The following CRPPA variants were observed in gnomAD, a reference collection of about 807,000 sequenced individuals.
The protein encoded by CRPPA is CDP-L-ribitol pyrophosphorylase A, also known as D-ribitol-5-phosphate cytidylyltransferase.
In CRPPA, 43 loss-of-function variants were observed where a neutral mutation model predicts 52.0. That is an observed-to-expected ratio of 0.83 (90% CI 0.65 to 1.07). The LOEUF is 1.07. Ranked by LOEUF, CRPPA falls within the 50% of genes least tolerant of loss-of-function variation. CRPPA has a pLI of 0.00. For synonymous variants in CRPPA, 250 were observed against 203.5 expected (o/e 1.23, Z -1.94); for missense variants, 629 against 551.7 (o/e 1.14, Z -1.40).
chr7:16,285,761 G>A (rs7459327), intron 5 of CRPPA, among the ~76,000 whole-genome samples: 102,325 of 151,176 alleles, frequency 0.68, 35,006 homozygotes, highest in East Asian at 0.76. Flanking sequence ...GGTAGCTCAC[G>A]ACTGTAATCC....
chr7:16,176,808 A>C (rs1781307926), intron 9 of CRPPA, among the ~76,000 whole-genome samples: 1 of 152,220 alleles, frequency 6.6e-6, no homozygotes, highest in South Asian at 2.1e-4. Context: ...CCAAGTGCTT[A>C]CTCTAGAAAA....
chr7:16,151,137 A>G (rs577363196), intron 9 of CRPPA, among the ~76,000 whole-genome samples: 15 of 152,328 alleles, frequency 9.8e-5, no homozygotes, highest in Admixed American at 5.9e-4. Context: ...TGGTAGACTG[A>G]TAAAATGAGA....
At chr7:16,310,234 C>G (rs1785004857) in intron 3 of CRPPA, among the ~76,000 whole-genome samples, 1 of 152,014 alleles carries the variant, frequency 6.6e-6, no homozygotes, top group Non-Finnish European at 1.5e-5. Context: ...AACCATCTGC[C>G]TCCCTAGACT....
chr7:16,298,811 C>A (rs1352135336), intron 5 of CRPPA, among the ~76,000 whole-genome samples: 4 of 152,196 alleles, frequency 2.6e-5, no homozygotes, highest in Non-Finnish European at 4.4e-5. Flanking sequence ...ATCCAATCCA[C>A]TGAGGTCCTG....
In CRPPA at chr7:16,216,115, A is replaced by T; in HGVS notation, c.1202T>A (p.Val401Glu). 1 of 1,600,232 alleles carries T rather than the reference A, an allele frequency of 6.2e-7. No homozygotes were observed. Among genetic ancestry groups the T allele is most frequent in the Non-Finnish European group, 8.5e-7 (1 of 1,170,270 alleles). ...ATATAACAAAATATTTCTTTCTTTT[A>T]CTTCCTTTGCAAATTCTCTAATCTG... ...LMQIREFAKE[V>E]KERNILLYGL... The change falls in exon 9 of 10, where the codon GTA becomes GAA. Residue 401 changes from valine to glutamate, a missense_variant. Coordinates refer to ENST00000407010, the MANE Select transcript of CRPPA (RefSeq NM_001101426.4).
At chr7:16,309,127 T>G (rs1784980809) in intron 3 of CRPPA, among the ~76,000 whole-genome samples, 2 of 152,194 alleles carry the variant, frequency 1.3e-5, no homozygotes, top group Admixed American at 1.3e-4. Flanking sequence ...ATTTTGTTTA[T>G]AAACATGGAA....
intron 9 of CRPPA, among the ~76,000 whole-genome samples, chr7:16,171,619 A>C (rs548164935): frequency 1.3e-5 from 2 of 152,046 alleles, no homozygotes; most frequent in South Asian, 2.1e-4. Context: ...AAAAACAAAC[A>C]AACCAAAAAA....
At chr7:16,359,471 A>G (rs929734764) in intron 3 of CRPPA, among the ~76,000 whole-genome samples, 8 of 152,236 alleles carry the variant, frequency 5.3e-5, no homozygotes, top group Non-Finnish European at 4.4e-5. Context: ...TGCTATATAC[A>G]TGTAGCCAGC....
At chr7:16,194,783 G>T (rs1381359674) in intron 9 of CRPPA, among the ~76,000 whole-genome samples, 1 of 151,816 alleles carries the variant, frequency 6.6e-6, no homozygotes, top group African/African-American at 2.4e-5. Context: ...TTAATACTCT[G>T]GAAACCTGTG....
At chr7:16,217,081 C>A (rs1583438163) in intron 8 of CRPPA, among the ~76,000 whole-genome samples, 1 of 150,610 alleles carries the variant, frequency 6.6e-6, no homozygotes, top group East Asian at 2.0e-4. Flanking sequence ...TCCCAGCACG[C>A]AGCTGGAGAT....
chr7:16,385,575 C>T (rs550231542), intron 2 of CRPPA, among the ~76,000 whole-genome samples: 1 of 152,224 alleles, frequency 6.6e-6, no homozygotes, highest in South Asian at 2.1e-4. Context: ...CAAAGAAACA[C>T]AGAATTTTTG....
chr7:16,146,243 G>A (rs970174348), intron 9 of CRPPA, among the ~76,000 whole-genome samples: 1 of 149,896 alleles, frequency 6.7e-6, no homozygotes, highest in Non-Finnish European at 1.5e-5. Flanking sequence ...AATATTATAT[G>A]CAGCAAAGCT....
At chr7:16,250,127 T>C (rs889420844) in intron 8 of CRPPA, among the ~76,000 whole-genome samples, 1 of 152,044 alleles carries the variant, frequency 6.6e-6, no homozygotes, top group Non-Finnish European at 1.5e-5. Context: ...GAAGAAAGTA[T>C]ATCAGTGATT....
At chr7:16,212,211 G>T (rs1191103979) in intron 9 of CRPPA, among the ~76,000 whole-genome samples, 1 of 152,108 alleles carries the variant, frequency 6.6e-6, no homozygotes, top group Non-Finnish European at 1.5e-5. Context: ...GCTTCTCCGT[G>T]GCTTGGTTTT....
chr7:16,244,595 C>A (rs1484966470), intron 8 of CRPPA, among the ~76,000 whole-genome samples: 2 of 152,120 alleles, frequency 1.3e-5, no homozygotes, highest in Admixed American at 1.3e-4. Flanking sequence ...GTTGTTTTTG[C>A]CAAATGCCCA....
intron 9 of CRPPA, among the ~76,000 whole-genome samples, chr7:16,113,185 C>T (rs1262345375): frequency 6.6e-6 from 1 of 151,248 alleles, no homozygotes; most frequent in Non-Finnish European, 1.5e-5. Context: ...CATTGTTGAA[C>T]ATAAAGAAAA....
chr7:16,377,813 G>A (rs1347197459), intron 2 of CRPPA, among the ~76,000 whole-genome samples: 2 of 152,126 alleles, frequency 1.3e-5, no homozygotes, highest in Non-Finnish European at 2.9e-5. Flanking sequence ...CATTTCCTAT[G>A]CCCCTCAGCA....
chr7:16,230,816 A>G (rs1782773314), intron 8 of CRPPA, among the ~76,000 whole-genome samples: 1 of 152,170 alleles, frequency 6.6e-6, no homozygotes, highest in Non-Finnish European at 1.5e-5. Flanking sequence ...AGCAGGTGTG[A>G]CAATGCCAGA....
chr7:16,167,136 C>T (rs1002253631), intron 9 of CRPPA, among the ~76,000 whole-genome samples: 1 of 152,044 alleles, frequency 6.6e-6, no homozygotes, highest in African/African-American at 2.4e-5. Context: ...CCATGTTAGC[C>T]AGGATGGTCT....
Sources: allele counts gnomAD v4.1 joint callset (sites outside exome capture counted in the v4.1 genomes callset), GRCh38; gene constraint gnomAD v4.1.1; transcripts MANE v1.5; gene names NCBI Gene and HGNC (gene_info 2026-07-23, HGNC 2026-07-21).